ZFHX4: variants seen among roughly 807,000 people sequenced by gnomAD.
ZFHX4 encodes zinc finger homeobox protein 4.
ZFHX4 carries 56 observed loss-of-function variants against 267.6 expected under a neutral mutation model. The observed-to-expected ratio is 0.21, with a 90% CI of 0.17 to 0.26. The LOEUF (loss-of-function observed/expected upper bound fraction) is 0.26. Among genes scored for constraint, ZFHX4 ranks in the 10% least tolerant of loss-of-function variants. ZFHX4 has a pLI of 1.00. For synonymous variants in ZFHX4, 1,778 were observed against 1,665.6 expected (o/e 1.07, Z -1.64); for missense variants, 4,332 against 4,420.0 (o/e 0.98, Z 0.56).
rs1241248356 is a variant in ZFHX4 at position 76,704,922 on chromosome 8, A to C, written c.834A>C (p.Leu278Phe). The C allele has an allele frequency of 6.2e-7, 1 of 1,614,066 alleles. No individual in the cohort carries two copies. The highest frequency in any genetic ancestry group is 1.7e-5 in the Admixed American group (1 of 60,034). ...CVSDGKRKPVLMCFLCKLSFG... is the reference protein window; with the variant it reads ...CVSDGKRKPVFMCFLCKLSFG... ...GCGATGGGAAAAGGAAACCTGTTTT[A>C]ATGTGTTTCTTGTGCAAGTTGTCTT... is the stretch of plus-strand genomic sequence containing the variant. Residue 278 changes from leucine (L) to phenylalanine (F), a missense_variant, in exon 2 of 11, where the codon TTA (leucine) becomes TTC (phenylalanine). By Grantham distance (22) the Leu-to-Phe change is conservative. Transcript: ENST00000651372.
intron 4 of ZFHX4, among the ~76,000 whole-genome samples, chr8:76,780,750 A>G (rs1481148253): frequency 6.6e-6 from 1 of 152,142 alleles, no homozygotes; most frequent in Non-Finnish European, 1.5e-5. Context: ...AGTATTTTGG[A>G]CCAAATAGAA....
chr8:76,686,336 G>T (rs1028180846), intron 1 of ZFHX4, among the ~76,000 whole-genome samples: 7 of 152,078 alleles, frequency 4.6e-5, no homozygotes, highest in African/African-American at 1.7e-4. Context: ...CATGTTTATT[G>T]AGGAGATGAT....
At chr8:76,745,354 G>A (rs1359285361) in intron 3 of ZFHX4, among the ~76,000 whole-genome samples, 1 of 152,104 alleles carries the variant, frequency 6.6e-6, no homozygotes, top group African/African-American at 2.4e-5. Context: ...GAAAATATTG[G>A]TAAAATAAAA....
intron 3 of ZFHX4, among the ~76,000 whole-genome samples, chr8:76,720,556 T>G (rs1475717603): frequency 1.3e-5 from 2 of 152,170 alleles, no homozygotes; most frequent in Non-Finnish European, 1.5e-5. Context: ...GGATTGACAG[T>G]CAATAATATT....
chr8:76,855,332 C>G lies in ZFHX4; in HGVS notation c.8411C>G (p.Ser2804Ter), dbSNP rs767733281. 6.2e-7 allele frequency: 1 copy of G among 1,613,720 alleles called. No homozygotes were observed. The highest frequency in any genetic ancestry group is 8.5e-7 in the Non-Finnish European group (1 of 1,179,824). ...DQNKTDFDET[S>*]SINTAISDAT... The stretch of plus-strand genomic sequence containing the variant: ...AATAAAACCGATTTTGATGAGACTT[C>G]ATCGATTAATACGGCAATCAGTGAC... Residue 2804 changes from serine to a stop codon, truncating the protein, a stop_gained, in exon 10 of 11, where the codon TCA becomes TGA. Coordinates refer to ENST00000651372, the MANE Select transcript of ZFHX4 (RefSeq NM_024721.5). LOFTEE classifies it high-confidence loss of function.
At chr8:76,775,007 C>G (rs1003881599) in intron 3 of ZFHX4, among the ~76,000 whole-genome samples, 1 of 151,892 alleles carries the variant, frequency 6.6e-6, no homozygotes, top group African/African-American at 2.4e-5. Context: ...TTGAATGTTT[C>G]CAGCTAAAAT....
At chr8:76,762,531 T>G (rs906595395) in intron 3 of ZFHX4, among the ~76,000 whole-genome samples, 1 of 152,196 alleles carries the variant, frequency 6.6e-6, no homozygotes, top group Non-Finnish European at 1.5e-5. Flanking sequence ...GAATTCATCA[T>G]GTGAAAGCCA....
At chr8:76,724,457 T>G (rs1808802471) in intron 3 of ZFHX4, among the ~76,000 whole-genome samples, 1 of 152,088 alleles carries the variant, frequency 6.6e-6, no homozygotes, top group African/African-American at 2.4e-5. Context: ...TCTTTCACAT[T>G]GTTTTGCCTC....
chr8:76,864,640 T>G lies in ZFHX4; in HGVS notation c.*75T>G. On this transcript the variant is annotated 3_prime_UTR_variant, in exon 11 of 11. Coordinates refer to ENST00000651372, the MANE Select transcript of ZFHX4 (RefSeq NM_024721.5). ...AAAAAAAATAAGACTTTAACTGCAG[T>G]TCCAAAGCTTCTCTAACCCAAAAAT... 5.9e-3 allele frequency: 5,621 copies of G among 948,376 alleles called. No individual in the cohort carries two copies. The highest frequency in any genetic ancestry group is 7.3e-3 in the Non-Finnish European group (4,905 of 667,490). The allele number at this position is 948,376 out of a possible 1,614,324, so 58.7% of individuals were successfully genotyped here.
rs771303721 is a variant in ZFHX4 at position 76,705,195 on chromosome 8, T to A, written c.1107T>A (p.Val369=). Residue 369 remains valine (V), a synonymous_variant, in exon 2 of 11, where the codon GTT becomes GTA. Coordinates refer to ENST00000651372, the MANE Select transcript of ZFHX4 (RefSeq NM_024721.5). ...TFRGLWSAFH[V]ENGDSLPAGF... Reference sequence around the variant, plus strand: ...GCGGTTTATGGAGCGCTTTTCATGTTGAAAATGGTGACTCTTTGCCGGCTG... The same window carrying A: ...GCGGTTTATGGAGCGCTTTTCATGTAGAAAATGGTGACTCTTTGCCGGCTG... 4 of 1,613,830 alleles carry A rather than the reference T, an allele frequency of 2.5e-6. No individual in the cohort carries two copies. The highest frequency in any genetic ancestry group is 3.4e-6 in the Non-Finnish European group (4 of 1,179,910).
At chr8:76,717,815 T>G (rs1307446677) in intron 3 of ZFHX4, among the ~76,000 whole-genome samples, 3 of 152,186 alleles carry the variant, frequency 2.0e-5, no homozygotes, top group Non-Finnish European at 4.4e-5. Flanking sequence ...CAGGCAGGTC[T>G]CGAACTCCTG....
At chr8:76,713,516 A>G (rs1808484525) in intron 3 of ZFHX4, among the ~76,000 whole-genome samples, 2 of 151,954 alleles carry the variant, frequency 1.3e-5, no homozygotes, top group Admixed American at 6.6e-5. Context: ...TTTCTTAACC[A>G]ACGCCACCGT....
At chr8:76,828,161 C>T (rs996049910) in intron 4 of ZFHX4, among the ~76,000 whole-genome samples, 1 of 152,114 alleles carries the variant, frequency 6.6e-6, no homozygotes, top group African/African-American at 2.4e-5. Context: ...GTTCAGAGGG[C>T]ATTGTTAAAA....
At chr8:76,694,654 C>T (rs1807907446) in intron 1 of ZFHX4, among the ~76,000 whole-genome samples, 1 of 142,034 alleles carries the variant, frequency 7.0e-6, no homozygotes, top group Non-Finnish European at 1.5e-5. Context: ...TTTTTCCCTC[C>T]TCCTGCACCC....
intron 4 of ZFHX4, among the ~76,000 whole-genome samples, chr8:76,811,506 A>C (rs984561960): frequency 6.6e-6 from 1 of 152,154 alleles, no homozygotes; most frequent in African/African-American, 2.4e-5. Context: ...ATCTTTCACT[A>C]GGAGTTAGTT....
In ZFHX4 at chr8:76,855,985, A is replaced by G; in HGVS notation, c.9064A>G (p.Ile3022Val). The G allele has an allele frequency of 6.2e-7, 1 of 1,613,984 alleles. No individual in the cohort carries two copies. Among genetic ancestry groups the G allele is most frequent in the Non-Finnish European group, 8.5e-7 (1 of 1,179,878 alleles). The change falls in exon 10 of 11, where the codon ATC (isoleucine) becomes GTC (valine). Residue 3022 changes from isoleucine (I) to valine (V), a missense_variant. Ile to Val is a conservative substitution (Grantham distance 29). This residue lies in a region of ZFHX4 where 1,648 missense variants were observed against 1,625.0 expected (regional missense o/e 1.01). Coordinates refer to ENST00000651372, the MANE Select transcript of ZFHX4 (RefSeq NM_024721.5). ...GGTGAAGTACTCTGCCCGCTTGTCC[A>G]TCAGAGATCACATTTTCTCCAAACA... is the stretch of plus-strand genomic sequence containing the variant. ...CGVKYSARLS[I>V]RDHIFSKQHI...
At chr8:76,821,598 A>C (rs1207073829) in intron 4 of ZFHX4, among the ~76,000 whole-genome samples, 4 of 149,856 alleles carry the variant, frequency 2.7e-5, no homozygotes, top group Non-Finnish European at 5.9e-5. Context: ...ATTCCTGATC[A>C]GTTTTCTTCA....
intron 4 of ZFHX4, among the ~76,000 whole-genome samples, chr8:76,803,627 T>A (rs867671527): frequency 6.6e-6 from 1 of 152,092 alleles, no homozygotes; most frequent in South Asian, 2.1e-4. Context: ...ATAAAGTAGC[T>A]CTAATGATTG....
chr8:76,822,948 T>C (rs1281867082), intron 4 of ZFHX4, among the ~76,000 whole-genome samples: 3 of 152,180 alleles, frequency 2.0e-5, no homozygotes, highest in Admixed American at 2.0e-4. Context: ...CATAAACTTA[T>C]ATGTTTACTA....
Sources: gnomAD v4.1 joint callset for allele counts (sites outside exome capture counted in the v4.1 genomes callset) on GRCh38, gnomAD v4.1.1 for gene constraint, gnomAD v4.1.1 regional missense constraint, MANE v1.5 for transcripts, NCBI Gene and HGNC (gene_info 2026-07-23, HGNC 2026-07-21) for gene names.